Variants in DCLK1 observed in about 807,000 individuals in gnomAD.
DCLK1 encodes serine/threonine-protein kinase DCLK1.
In DCLK1, 16 loss-of-function variants were observed where a neutral mutation model predicts 86.2. The ratio of observed to expected loss-of-function variants is 0.19; its 90% CI spans 0.13 to 0.28. The LOEUF (loss-of-function observed/expected upper bound fraction) is 0.28. Among genes scored for constraint, DCLK1 ranks in the 10% least tolerant of loss-of-function variants. The pLI is 1.00. For synonymous variants in DCLK1, 369 were observed against 370.5 expected, an observed-to-expected ratio of 1.00 and a Z score of 0.05; for missense variants, 590 against 940.2, an observed-to-expected ratio of 0.63 and a Z score of 4.87.
chr13:35,959,718 C>A (rs887948147), intron 3 of DCLK1, among the ~76,000 whole-genome samples: 16 of 152,146 alleles, frequency 1.1e-4, no homozygotes, highest in African/African-American at 2.9e-4. Context: ...GTACTCTTGG[C>A]TGTTTCTATG....
At chr13:35,832,549 C>A (rs1160430053) in intron 8 of DCLK1, among the ~76,000 whole-genome samples, 1 of 152,162 alleles carries the variant, frequency 6.6e-6, no homozygotes, top group Non-Finnish European at 1.5e-5. Flanking sequence ...AAGTGCCCAG[C>A]ATAAGCCTGA....
chr13:35,992,891 T>A (rs932358241), intron 3 of DCLK1, among the ~76,000 whole-genome samples: 4 of 152,200 alleles, frequency 2.6e-5, no homozygotes, highest in African/African-American at 9.6e-5. Context: ...TGAACTGCAC[T>A]GATATACTAC....
chr13:36,122,757 C>G (rs532095280), intron 2 of DCLK1, among the ~76,000 whole-genome samples: 1 of 152,158 alleles, frequency 6.6e-6, no homozygotes, highest in South Asian at 2.1e-4. Flanking sequence ...AAGAGTGTCA[C>G]CTTTGGAATG....
At chr13:35,788,390 C>T (rs2086657543) in intron 16 of DCLK1, 13 of 1,022,958 alleles carry the variant, frequency 1.3e-5, no homozygotes, top group Middle Eastern at 2.1e-4. Context: ...TATATAGTTA[C>T]GATGCCTCTT....
At chr13:35,940,245 T>G (rs1877008468) in intron 4 of DCLK1, among the ~76,000 whole-genome samples, 3 of 139,352 alleles carry the variant, frequency 2.2e-5, no homozygotes, top group Non-Finnish European at 3.1e-5. Flanking sequence ...TAAGTTAGTA[T>G]GAAGGGTCAC....
At chr13:35,888,675 G>A (rs1873447828) in intron 4 of DCLK1, among the ~76,000 whole-genome samples, 2 of 152,210 alleles carry the variant, frequency 1.3e-5, no homozygotes, top group Admixed American at 6.5e-5. Flanking sequence ...CATTACAGTT[G>A]ACTTGTGGCC....
intron 11 of DCLK1, among the ~76,000 whole-genome samples, chr13:35,811,368 AGTGCCGATGTATCT>A: frequency 6.6e-6 from 1 of 152,098 alleles, no homozygotes; most frequent in African/African-American, 2.4e-5. Context: ...GAAAGAACAC[AGTGCCGATGTATCT>A]GTCTCTTGGT....
intron 3 of DCLK1, among the ~76,000 whole-genome samples, chr13:36,029,901 T>G (rs1269464030): frequency 1.3e-5 from 2 of 152,216 alleles, no homozygotes; most frequent in African/African-American, 4.8e-5. Flanking sequence ...TTAAATTTCA[T>G]GTAACCCCCA....
At chr13:36,097,183 T>C (rs1885048274) in intron 3 of DCLK1, among the ~76,000 whole-genome samples, 1 of 152,198 alleles carries the variant, frequency 6.6e-6, no homozygotes, top group Admixed American at 6.5e-5. Flanking sequence ...TAAAAGCTGA[T>C]GTGACTAATA....
chr13:35,971,036 A>C (rs1879036114), intron 3 of DCLK1, among the ~76,000 whole-genome samples: 1 of 152,208 alleles, frequency 6.6e-6, no homozygotes, highest in Non-Finnish European at 1.5e-5. Context: ...CATACTTGAC[A>C]GGCAAGAGCA....
intron 4 of DCLK1, among the ~76,000 whole-genome samples, chr13:35,894,807 A>G (rs1873855443): frequency 6.6e-6 from 1 of 152,242 alleles, no homozygotes; most frequent in South Asian, 2.1e-4. Flanking sequence ...AGATTCTGGC[A>G]GCATTTCATC....
intron 6 of DCLK1, chr13:35,847,976 C>A: frequency 4.1e-6 from 4 of 985,266 alleles, no homozygotes; most frequent in Non-Finnish European, 4.8e-6. Flanking sequence ...GAACTTCATA[C>A]TTTATATATT....
At chr13:35,918,892 G>GTTTTTTTTTTGTTTTTTTTTTTTTTT (rs1875604108) in intron 4 of DCLK1, among the ~76,000 whole-genome samples, 1 of 76,310 alleles carries the variant, frequency 1.3e-5, no homozygotes, top group Non-Finnish European at 2.5e-5. Context: ...TTCTGAGTGT[G>GTTTTTTTTTTGTTTTTTTTTTTTTTT]TTTTTTTTTT....
At chr13:35,980,325 C>A (rs759822901) in intron 3 of DCLK1, among the ~76,000 whole-genome samples, 1 of 151,974 alleles carries the variant, frequency 6.6e-6, no homozygotes, top group Admixed American at 6.6e-5. Context: ...TGCAGTAGTA[C>A]GCACCTGTGG....
chr13:35,807,062 C>T (rs1454160223), intron 14 of DCLK1, among the ~76,000 whole-genome samples: 4 of 152,258 alleles, frequency 2.6e-5, no homozygotes, highest in African/African-American at 7.2e-5. Context: ...TTATTGAGAA[C>T]ATTTTTCTCA....
At chr13:36,097,215 C>T (rs938777775) in intron 3 of DCLK1, among the ~76,000 whole-genome samples, 2 of 152,152 alleles carry the variant, frequency 1.3e-5, no homozygotes, top group African/African-American at 4.8e-5. Flanking sequence ...GGCTGCTGGG[C>T]TAGGGGTGGG....
chr13:35,824,632 T>G (rs2087478579), intron 10 of DCLK1, among the ~76,000 whole-genome samples: 1 of 152,134 alleles, frequency 6.6e-6, no homozygotes, highest in Non-Finnish European at 1.5e-5. Context: ...TCACAATCCG[T>G]TCTGCTTCCC....
intron 16 of DCLK1, among the ~76,000 whole-genome samples, chr13:35,777,124 CT>C (rs2086437011): frequency 6.6e-6 from 1 of 152,196 alleles, no homozygotes; most frequent in Non-Finnish European, 1.5e-5. Context: ...AAATGTTCAC[CT>C]TTGTAGATAA....
intron 3 of DCLK1, among the ~76,000 whole-genome samples, chr13:36,078,927 G>T (rs1032372030): frequency 9.9e-5 from 15 of 152,184 alleles, no homozygotes; most frequent in African/African-American, 3.6e-4. Context: ...CCGAGGGAAG[G>T]TTGTATGGAG....
Sources: gnomAD v4.1 joint callset for allele counts (sites outside exome capture counted in the v4.1 genomes callset) on GRCh38, gnomAD v4.1.1 for gene constraint, MANE v1.5 for transcripts, NCBI Gene and HGNC (gene_info 2026-07-23, HGNC 2026-07-21) for gene names.